The following CCDC178 variants were observed in gnomAD, a reference collection of about 807,000 sequenced individuals.
CCDC178 encodes the protein coiled-coil domain containing 178.
Under a neutral mutation model 117.4 loss-of-function variants are expected in CCDC178, and 126 were observed. The ratio of observed to expected loss-of-function variants is 1.07; its 90% CI spans 0.93 to 1.24. The LOEUF (loss-of-function observed/expected upper bound fraction) is 1.24, where lower values mean the gene tolerates loss of function less well. CCDC178 is among the 50% of genes most tolerant of loss of function. CCDC178 has a pLI of 0.00. For synonymous variants in CCDC178, 283 were observed against 313.4 expected, an observed-to-expected ratio of 0.90 and a Z score of 1.02; for missense variants, 1,030 against 986.9, an observed-to-expected ratio of 1.04 and a Z score of -0.59.
chr18:33,067,570 C>T (rs2057038320), intron 21 of CCDC178, among the ~76,000 whole-genome samples: 1 of 152,150 alleles, frequency 6.6e-6, no homozygotes, highest in African/African-American at 2.4e-5. Context: ...ACAGGCCAGG[C>T]GTGATGGCTC....
intron 20 of CCDC178, among the ~76,000 whole-genome samples, chr18:33,207,838 T>C (rs2144577458): frequency 6.6e-6 from 1 of 152,134 alleles, no homozygotes; most frequent in East Asian, 1.9e-4. Flanking sequence ...AGAAGCTTCT[T>C]CCTTGTTTAA....
At chr18:33,330,856 T>C (rs1055102715) in intron 10 of CCDC178, among the ~76,000 whole-genome samples, 1 of 152,072 alleles carries the variant, frequency 6.6e-6, no homozygotes, top group East Asian at 1.9e-4. Context: ...TGGAGAATAA[T>C]ATGTTTTACT....
At position 33,143,269 on chromosome 18, in the gene CCDC178, A is replaced by G. The variant is rs181652098; in HGVS notation, c.2239-50359T>C. Among the ~76,000 whole-genome samples, 7 of 152,320 alleles carry G rather than the reference A, an allele frequency of 4.6e-5. No homozygotes were observed. The East Asian group carries it at 1.2e-3, about 25-fold the overall frequency. The stretch of plus-strand genomic sequence containing the variant: ...AGAGTTTGAGACCATCACACTGGAA[A>G]GTATCTTTTCAGTGAAGAAGAGCAC... On this transcript the variant is annotated intron_variant, in intron 20 of 22. Transcript: ENST00000383096.
chr18:33,403,325 G>C (rs1409720081), intron 3 of CCDC178, among the ~76,000 whole-genome samples: 2 of 152,098 alleles, frequency 1.3e-5, no homozygotes, highest in African/African-American at 4.8e-5. Context: ...TCAGTGAGTG[G>C]CCACAGAGGG....
chr18:33,424,098 C>A (rs2064076901), intron 2 of CCDC178, among the ~76,000 whole-genome samples: 1 of 151,960 alleles, frequency 6.6e-6, no homozygotes, highest in African/African-American at 2.4e-5. Context: ...TTATCTTTTC[C>A]AGTAAATAGT....
intron 6 of CCDC178, among the ~76,000 whole-genome samples, chr18:33,361,533 C>T (rs2063127969): frequency 6.6e-6 from 1 of 151,148 alleles, no homozygotes; most frequent in Admixed American, 6.6e-5. Context: ...CAGTTACATA[C>T]TAGGAAAAAA....
chr18:33,281,193 T>TTACAA (rs2060022091), intron 12 of CCDC178, among the ~76,000 whole-genome samples: 2 of 151,966 alleles, frequency 1.3e-5, no homozygotes, highest in African/African-American at 2.4e-5. Flanking sequence ...GCATCAAACG[T>TTACAA]ATACAAAATT....
chr18:32,964,648 T>C (rs1392635211), intron 22 of CCDC178, among the ~76,000 whole-genome samples: 1 of 151,928 alleles, frequency 6.6e-6, no homozygotes. Context: ...ACAGTGACCC[T>C]TGGATAGGTG....
chr18:33,053,838 T>C (rs888860224), intron 21 of CCDC178, among the ~76,000 whole-genome samples: 5 of 152,218 alleles, frequency 3.3e-5, no homozygotes, highest in Admixed American at 3.3e-4. Flanking sequence ...TAACACTTTA[T>C]GACAACTTTT....
chr18:33,029,454 A>G (rs1366245523), intron 21 of CCDC178, among the ~76,000 whole-genome samples: 1 of 151,844 alleles, frequency 6.6e-6, no homozygotes, highest in Non-Finnish European at 1.5e-5. Flanking sequence ...TCGAAGAATC[A>G]GTTTTTTGAT....
chr18:33,215,703 A>C lies in CCDC178; in HGVS notation c.1933-8T>G, dbSNP rs752012433. ...AATTGCTGAGCGTTTACTCTGAAAA[A>C]AAATATACACAAGTGTTTATTTTAA... On this transcript the variant is annotated splice_polypyrimidine_tract_variant and splice_region_variant and intron_variant, in intron 18 of 22. Transcript: ENST00000383096. 6 of 1,495,780 alleles carry C rather than the reference A, an allele frequency of 4.0e-6. No individual in the cohort carries two copies. Among genetic ancestry groups the C allele is most frequent in the Non-Finnish European group, 4.5e-6 (5 of 1,122,154 alleles). The allele number at this position is 1,495,780 out of a possible 1,614,324, so 92.7% of individuals were successfully genotyped here.
intron 9 of CCDC178, among the ~76,000 whole-genome samples, chr18:33,341,759 ATGTAGAAC>A (rs2062820052): frequency 6.6e-6 from 1 of 152,168 alleles, no homozygotes; most frequent in African/African-American, 2.4e-5. Flanking sequence ...CTCCCTGGCC[ATGTAGAAC>A]TGTGAAGCCC....
chr18:33,133,600 G>A (rs571019725), intron 20 of CCDC178, among the ~76,000 whole-genome samples: 23 of 151,814 alleles, frequency 1.5e-4, no homozygotes, highest in Non-Finnish European at 2.5e-4. Flanking sequence ...ATATTTCAAC[G>A]ATTAGAGAGT....
chr18:33,091,496 T>C (rs2057465162), intron 21 of CCDC178, among the ~76,000 whole-genome samples: 1 of 151,678 alleles, frequency 6.6e-6, no homozygotes, highest in African/African-American at 2.4e-5. Flanking sequence ...GCCACCACAT[T>C]CGGCTAATTT....
intron 20 of CCDC178, among the ~76,000 whole-genome samples, chr18:33,198,909 A>C (rs2058963180): frequency 6.6e-6 from 1 of 152,168 alleles, no homozygotes; most frequent in African/African-American, 2.4e-5. Flanking sequence ...CTGTAAGGCT[A>C]ATATGCTTCT....
chr18:33,255,239 C>T (rs995250877), intron 14 of CCDC178, among the ~76,000 whole-genome samples: 6 of 151,972 alleles, frequency 3.9e-5, no homozygotes, highest in African/African-American at 1.4e-4. Context: ...CTCAATAAAC[C>T]TCTTTTCTTT....
chr18:33,051,986 A>T (rs563445816), intron 21 of CCDC178, among the ~76,000 whole-genome samples: 16 of 152,304 alleles, frequency 1.1e-4, no homozygotes, highest in African/African-American at 3.8e-4. Flanking sequence ...AACAATCTGA[A>T]TTAGCTTTTT....
chr18:33,211,549 A>T (rs1324223809), intron 20 of CCDC178, among the ~76,000 whole-genome samples: 1 of 151,662 alleles, frequency 6.6e-6, no homozygotes, highest in Non-Finnish European at 1.5e-5. Context: ...AAGTATATTT[A>T]TTCAGAAACA....
At chr18:33,420,800 TA>T (rs550215296) in intron 2 of CCDC178, among the ~76,000 whole-genome samples, 26 of 151,212 alleles carry the variant, frequency 1.7e-4, no homozygotes, top group African/African-American at 5.6e-4. Context: ...TTAAAAAAAG[TA>T]AAAAAAATTA....
Sources: gnomAD v4.1 joint callset for allele counts (sites outside exome capture counted in the v4.1 genomes callset) on GRCh38, gnomAD v4.1.1 for gene constraint, MANE v1.5 for transcripts, NCBI Gene and HGNC (gene_info 2026-07-23, HGNC 2026-07-21) for gene names.